DEUP1: variants seen among roughly 807,000 people sequenced by gnomAD.
The protein encoded by DEUP1 is coiled-coil domain containing 67.
Under a neutral mutation model 87.4 loss-of-function variants are expected in DEUP1, and 82 were observed. That is an observed-to-expected ratio of 0.94 (90% CI 0.78 to 1.13). DEUP1 has a LOEUF of 1.13. Among genes scored for constraint, DEUP1 ranks in the 50% most tolerant of loss-of-function variants. The pLI, the probability that DEUP1 is intolerant of heterozygous loss-of-function variation, is 0.00. For missense variants in DEUP1, 663 were observed against 681.5 expected, an observed-to-expected ratio of 0.97 and a Z score of 0.30; for synonymous variants, 214 against 222.7, an observed-to-expected ratio of 0.96 and a Z score of 0.35.
At chr11:93,419,259 C>T (rs530051322) in intron 13 of DEUP1, among the ~76,000 whole-genome samples, 1 of 151,416 alleles carries the variant, frequency 6.6e-6, no homozygotes, top group Non-Finnish European at 1.5e-5. Context: ...ACTGCTCAGA[C>T]CCAAGGCTTA....
chr11:93,390,700 A>T (rs950137242), intron 9 of DEUP1, among the ~76,000 whole-genome samples: 2 of 152,180 alleles, frequency 1.3e-5, no homozygotes, highest in Non-Finnish European at 2.9e-5. Context: ...GGGAGAGAGT[A>T]TGAGGCACAG....
At chr11:93,406,072 A>T (rs1591236429) in intron 11 of DEUP1, among the ~76,000 whole-genome samples, 1 of 152,024 alleles carries the variant, frequency 6.6e-6, no homozygotes, top group Admixed American at 6.6e-5. Flanking sequence ...CCTATTTTTT[A>T]AAATTCTGTG....
At chr11:93,420,737 G>C (rs941378346) in intron 13 of DEUP1, among the ~76,000 whole-genome samples, 1 of 135,106 alleles carries the variant, frequency 7.4e-6, no homozygotes, top group Non-Finnish European at 1.6e-5. Context: ...AAATCAATGT[G>C]CAAAAATCAC....
intron 2 of DEUP1, among the ~76,000 whole-genome samples, chr11:93,349,756 T>C (rs1425183105): frequency 1.3e-5 from 2 of 151,658 alleles, no homozygotes; most frequent in Non-Finnish European, 2.9e-5. Context: ...CTAGGAGCAA[T>C]AGAAGGAAAT....
intron 13 of DEUP1, among the ~76,000 whole-genome samples, chr11:93,435,162 A>G (rs1386589280): frequency 1.3e-5 from 2 of 152,202 alleles, no homozygotes; most frequent in African/African-American, 4.8e-5. Flanking sequence ...CATTCTGATA[A>G]GCATACAGCA....
intron 2 of DEUP1, among the ~76,000 whole-genome samples, chr11:93,340,061 T>C (rs1565290614): frequency 6.6e-6 from 1 of 152,192 alleles, no homozygotes; most frequent in Admixed American, 6.5e-5. Context: ...TTAGAGCTGA[T>C]ACTATGGCTC....
chr11:93,351,451 A>C (rs974244044), intron 2 of DEUP1, among the ~76,000 whole-genome samples: 2 of 152,190 alleles, frequency 1.3e-5, no homozygotes, highest in Admixed American at 6.5e-5. Flanking sequence ...AGACTGATAT[A>C]GTTATTTTTT....
chr11:93,342,955 G>C (rs1371164022), intron 2 of DEUP1, among the ~76,000 whole-genome samples: 2 of 152,306 alleles, frequency 1.3e-5, no homozygotes, highest in East Asian at 3.9e-4. Flanking sequence ...GACTGGAGTG[G>C]AGGCAGGTTT....
At chr11:93,370,600 G>C (rs12295907) in intron 6 of DEUP1, among the ~76,000 whole-genome samples, 36,965 of 152,026 alleles carry the variant, frequency 0.24, 4,817 homozygotes, top group South Asian at 0.38. Flanking sequence ...TGCATTGTTT[G>C]CCCTTTTCTT....
At chr11:93,414,489 A>G in intron 12 of DEUP1, among the ~76,000 whole-genome samples, 1 of 152,170 alleles carries the variant, frequency 6.6e-6, no homozygotes, top group Non-Finnish European at 1.5e-5. Flanking sequence ...CCTAGGCGAC[A>G]GAGCAAGGCT....
intron 2 of DEUP1, among the ~76,000 whole-genome samples, chr11:93,339,937 G>C (rs1943975354): frequency 6.6e-6 from 1 of 152,130 alleles, no homozygotes; most frequent in African/African-American, 2.4e-5. Context: ...CTATTCCCCT[G>C]CTGGAGTATT....
Position 93,438,389 on chromosome 11 carries a change from G to A in DEUP1, c.*670G>A, listed in dbSNP as rs1948303256. ...ACTTCATGGACACAAACAAGATAAA[G>A]GAAATATAAAGCATTACTGTTGCTA... is the stretch of plus-strand genomic sequence containing the variant. On this transcript the variant is annotated 3_prime_UTR_variant, in exon 14 of 14. Coordinates refer to ENST00000298050, the MANE Select transcript of DEUP1 (RefSeq NM_181645.4). 1 of 152,024 alleles carries A rather than the reference G, an allele frequency of 6.6e-6. No individual in the cohort carries two copies. The allele number at this position is 152,024 out of a possible 1,614,324, so 9.4% of individuals were successfully genotyped here.
chr11:93,359,873 C>T (rs981997665), intron 4 of DEUP1, among the ~76,000 whole-genome samples: 6 of 152,218 alleles, frequency 3.9e-5, no homozygotes, highest in African/African-American at 1.4e-4. Context: ...GGCCCTCTTT[C>T]CTGGGTAATG....
intron 13 of DEUP1, among the ~76,000 whole-genome samples, chr11:93,436,960 G>A (rs1404551454): frequency 3.9e-5 from 6 of 151,970 alleles, no homozygotes; most frequent in Non-Finnish European, 8.8e-5. Context: ...CACCATGAAG[G>A]GTGGAATTGG....
At chr11:93,362,010 C>T (rs1945198380) in intron 4 of DEUP1, among the ~76,000 whole-genome samples, 3 of 151,868 alleles carry the variant, frequency 2.0e-5, no homozygotes, top group African/African-American at 4.8e-5. Context: ...AGAGGATATC[C>T]ACATGCAAAG....
intron 12 of DEUP1, among the ~76,000 whole-genome samples, chr11:93,412,850 T>C (rs1199892980): frequency 6.6e-6 from 1 of 152,170 alleles, no homozygotes; most frequent in Non-Finnish European, 1.5e-5. Context: ...TCATAAACCA[T>C]GTTATTTCAG....
intron 12 of DEUP1, among the ~76,000 whole-genome samples, chr11:93,411,474 G>A (rs146363755): frequency 6.6e-6 from 1 of 152,174 alleles, no homozygotes; most frequent in East Asian, 1.9e-4. Flanking sequence ...ACTCGGTTTT[G>A]TTGTTTTTAA....
At chr11:93,391,485 G>A (rs1039372025) in intron 9 of DEUP1, among the ~76,000 whole-genome samples, 15 of 152,028 alleles carry the variant, frequency 9.9e-5, no homozygotes, top group African/African-American at 3.1e-4. Flanking sequence ...CAAGGTGGGC[G>A]GATCACGAGG....
chr11:93,345,019 C>G (rs1944275041), intron 2 of DEUP1, among the ~76,000 whole-genome samples: 1 of 152,120 alleles, frequency 6.6e-6, no homozygotes, highest in Admixed American at 6.5e-5. Flanking sequence ...CATCCTCCAT[C>G]TTCTGATAGG....
Sources: gnomAD v4.1 joint callset for allele counts (sites outside exome capture counted in the v4.1 genomes callset) on GRCh38, gnomAD v4.1.1 for gene constraint, MANE v1.5 for transcripts, NCBI Gene and HGNC (gene_info 2026-07-23, HGNC 2026-07-21) for gene names.